The following ZNF768 variants were observed in gnomAD, a reference collection of about 807,000 sequenced individuals.
ZNF768 encodes zinc finger protein 768.
In ZNF768, 12 loss-of-function variants were observed where a neutral mutation model predicts 39.7. That is an observed-to-expected ratio of 0.30 (90% confidence interval 0.19 to 0.49). The LOEUF is 0.49. Among genes scored for constraint, ZNF768 ranks in the 20% least tolerant of loss-of-function variants. The pLI, the probability that ZNF768 is intolerant of heterozygous loss-of-function variation, is 0.99. For missense variants in ZNF768, 613 were observed against 723.2 expected, an observed-to-expected ratio of 0.85 and a Z score of 1.75; for synonymous variants, 360 against 288.4, an observed-to-expected ratio of 1.25 and a Z score of -2.52.
At position 30,525,780 on chromosome 16, in the gene ZNF768, C is replaced by G. The variant is rs376864966; in HGVS notation, c.360G>C (p.Arg120Ser). Residue 120 changes from arginine to serine, a missense_variant, in exon 2 of 2, where the codon AGG (arginine) becomes AGC (serine). Transcript: ENST00000380412. ...CATAGCCAGGGCTTTGGGGTTCATA[C>G]CTAGGGCTCTGGGATTCAAACTCAG... ...QSPEFESQSP[R>S]YEPQSPGYEP... 1 of 1,574,192 alleles carries G rather than the reference C, an allele frequency of 6.4e-7. No homozygotes were observed. Among genetic ancestry groups the G allele is most frequent in the Non-Finnish European group, 8.6e-7 (1 of 1,164,218 alleles).
intron 1 of ZNF768, 94 bp downstream of exon 1, chr16:30,526,232 G>C: frequency 1.3e-6 from 2 of 1,568,812 alleles, no homozygotes; most frequent in Non-Finnish European, 8.6e-7. Context: ...TCGAGTCCCA[G>C]GTGTCCCAGC....
rs759717317 is a variant in ZNF768 at position 30,525,709 on chromosome 16, G to A, written c.431C>T (p.Ser144Phe). ...CTGGGATTCATATCTAGAGCTCTCA[G>A]ATTCATAGCCAGGGCTCCGGGGTTC... ...GYEPRSPGYE[S>F]ESSRYESQNT... Residue 144 changes from serine to phenylalanine, a missense_variant, in exon 2 of 2, where the codon TCT becomes TTT. Transcript: ENST00000380412. The A allele has an allele frequency of 1.2e-6, 2 of 1,613,586 alleles. No homozygotes were observed. The highest frequency in any genetic ancestry group is 8.5e-7 in the Non-Finnish European group (1 of 1,179,818).
chr16:30,530,188 T>C (rs1300368901), upstream of ZNF768, among the ~76,000 whole-genome samples: 2 of 151,530 alleles, frequency 1.3e-5, no homozygotes, highest in African/African-American at 4.9e-5. This position sits in a 1 kb window ranked among gnomAD's most constrained non-coding sequence, Gnocchi z 4.4. Context: ...TGGAAATATC[T>C]GTGCCACCAA....
At position 30,526,106 on chromosome 16, in the gene ZNF768, T is replaced by C. The variant is rs2051321058; in HGVS notation, c.89-55A>G. On this transcript the variant is annotated intron_variant, in intron 1 of 1. Transcript: ENST00000380412. ...AGACCTGGAAGGTCATTTGGTCCAT[T>C]AGCAACCACACACCTCCCACCTCAC... The C allele has an allele frequency of 4.7e-6, 7 of 1,492,628 alleles. No homozygotes were observed. The South Asian group carries it at 5.6e-5, about 12-fold the overall frequency. 92.5% of individuals were successfully genotyped at this position (1,492,628 alleles called of 1,614,324 possible).
At position 30,526,031 on chromosome 16, in the gene ZNF768, C is replaced by T; in HGVS notation, c.109G>A (p.Glu37Lys). Residue 37 changes from glutamate to lysine, a missense_variant, in exon 2 of 2, where the codon GAA becomes AAA. By Grantham distance (56) the Glu-to-Lys change is moderately conservative. Coordinates refer to ENST00000380412, the MANE Select transcript of ZNF768 (RefSeq NM_024671.4). ...CCTTCTTGCTGAGAAATTTCCTCTT[C>T]CTCATTCTCACTCATGTTGCCTGCA... ...YLRGNMSENE[E>K]EEISQQEGSG... The T allele has an allele frequency of 2.0e-6, 3 of 1,497,662 alleles. No individual in the cohort carries two copies. Among genetic ancestry groups the T allele is most frequent in the East Asian group, 2.4e-5 (1 of 42,048 alleles). 92.8% of individuals were successfully genotyped at this position (1,497,662 alleles called of 1,614,324 possible). A position where few individuals can be genotyped will look rare whatever the true frequency, so the allele number is the denominator to read the frequency against.
chr16:30,531,650 CAT>C (rs1348829219), upstream of ZNF768: 2 of 152,116 alleles, frequency 1.3e-5, no homozygotes, highest in Admixed American at 6.6e-5. Context: ...ATTAGCCAGG[CAT>C]AGTGTTGCCC....
the ZNF768 span, chr16:30,532,465 G>T: frequency 6.4e-6 from 10 of 1,572,760 alleles, no homozygotes; most frequent in Middle Eastern, 1.7e-4. Context: ...ATCTCGGGCC[G>T]CCCACAATGT....
At chr16:30,528,010 TATC>T (rs2051343706), upstream of ZNF768, 1 of 152,222 alleles carries the variant, frequency 6.6e-6, no homozygotes, top group Non-Finnish European at 1.5e-5. Context: ...GACAACTTAA[TATC>T]ATCCAGTTCT....
rs2151215014 is a variant in ZNF768, at chr16:30,525,642, T to C, written c.498A>G (p.Gln166=). ...LKTQSPEFEA[Q]SSKFQEGAEM... ...CCGCACCTTCCTGGAATTTGGAACTTTGAGCTTCAAATTCTGGGCTTTGGG... is the reference window on the plus strand; with the variant it reads ...CCGCACCTTCCTGGAATTTGGAACTCTGAGCTTCAAATTCTGGGCTTTGGG... Residue 166 remains glutamine, a synonymous_variant, in exon 2 of 2, where the codon CAA becomes CAG. Coordinates refer to ENST00000380412, the MANE Select transcript of ZNF768 (RefSeq NM_024671.4). 6.2e-7 allele frequency: 1 copy of C among 1,614,266 alleles called. No individual in the cohort carries two copies.
In ZNF768 at chr16:30,524,824, C is replaced by T; in HGVS notation, c.1316G>A (p.Gly439Asp). The change falls in exon 2 of 2, where the codon GGC becomes GAC. Residue 439 changes from glycine to aspartate, a missense_variant. Physicochemically the swap from Gly to Asp is moderately conservative, Grantham distance 94. This residue lies in a region of ZNF768 where 204 missense variants were observed against 281.7 expected (regional missense o/e 0.72). Transcript: ENST00000380412. ...GTGGATGGCCAGCACCGAGCTCTGG[C>T]CAAAGCGCTTGCCGCACTCAGGGCA... ...FKCPECGKRF[G>D]QSSVLAIHAR... 6.2e-7 allele frequency: 1 copy of T among 1,610,624 alleles called. No homozygotes were observed.
chr16:30,526,815 A>G (rs1323082070), upstream of ZNF768: 2 of 166,100 alleles, frequency 1.2e-5, no homozygotes, highest in Non-Finnish European at 1.6e-5. Context: ...TCCCCCGCAC[A>G]GGAAGTGTCC....
chr16:30,526,807 C>G (rs2051332396), upstream of ZNF768: 1 of 936,148 alleles, frequency 1.1e-6, no homozygotes, highest in South Asian at 4.9e-5. Flanking sequence ...CCCCACCCTC[C>G]CCCGCACAGG....
chr16:30,526,562 C>G lies in ZNF768; in HGVS notation c.-149G>C. The G allele has an allele frequency of 9.5e-7, 1 of 1,055,884 alleles. No homozygotes were observed. The highest frequency in any genetic ancestry group is 1.1e-6 in the Non-Finnish European group (1 of 877,092). 65.4% of individuals were successfully genotyped at this position (1,055,884 alleles called of 1,614,324 possible). On this transcript the variant is annotated 5_prime_UTR_variant, in exon 1 of 2. Transcript: ENST00000380412. Reference sequence around the variant, plus strand: ...CCCAGCCCGGGCCCCCGAGGCCGGACGTCTTGACCCCGCGCCTCTCCAGCG... The same window carrying G: ...CCCAGCCCGGGCCCCCGAGGCCGGAGGTCTTGACCCCGCGCCTCTCCAGCG...
intron 1 of ZNF768, 23 bp from the exon 2 acceptor site, chr16:30,526,074 T>C (rs1445680401): frequency 6.7e-7 from 1 of 1,494,456 alleles, no homozygotes. Context: ...AGAATCCAGA[T>C]CGTGTGAGAC....
Position 30,525,361 on chromosome 16 carries a change from G to A in ZNF768, c.779C>T (p.Pro260Leu). ...CTTCCCGCAGATGCCACAGATGTTA[G>A]GCCGAGGGCCCTGCCCACCCCTGGC... The part of the protein sequence containing the change: ...GRARGGQGPR[P>L]NICGICGKSF... The change falls in exon 2 of 2, where the codon CCT (proline) becomes CTT (leucine). Residue 260 changes from proline to leucine, a missense_variant. Around this residue, in one of 4 missense-constraint regions of ZNF768, gnomAD observed 347 missense variants for 326.1 expected, o/e 1.06. Transcript: ENST00000380412. 6.2e-7 allele frequency: 1 copy of A among 1,614,136 alleles called. No individual in the cohort carries two copies.
Position 30,524,085 on chromosome 16 carries a change from C to T in ZNF768, c.*432G>A. On this transcript the variant is annotated 3_prime_UTR_variant, in exon 2 of 2. Transcript: ENST00000380412. ...GAAGAGGGAGGCTGGGGTTTGCACG[C>T]AGAGGCCCAGGCCCCACCCCGGGGC... 1 of 184,516 alleles carries T rather than the reference C, an allele frequency of 5.4e-6. No individual in the cohort carries two copies. Among genetic ancestry groups the T allele is most frequent in the Non-Finnish European group, 1.1e-5 (1 of 89,608 alleles). The allele number at this position is 184,516 out of a possible 1,614,324, so 11.4% of individuals were successfully genotyped here. A position where few individuals can be genotyped will look rare whatever the true frequency, so the allele number is the denominator to read the frequency against.
In ZNF768 at chr16:30,524,426, G is replaced by A. The variant is rs2051300407; in HGVS notation, c.*91C>T. On this transcript the variant is annotated 3_prime_UTR_variant, in exon 2 of 2. Coordinates refer to ENST00000380412, the MANE Select transcript of ZNF768 (RefSeq NM_024671.4). ...GCATCCTCAGCTCCTCCATTCTCCT[G>A]CGGCTTCTCCACTATCCTCCCTAAA... The A allele has an allele frequency of 2.0e-6, 3 of 1,496,516 alleles. No homozygotes were observed. The highest frequency in any genetic ancestry group is 4.5e-5 in the Admixed American group (2 of 44,340). The allele number at this position is 1,496,516 out of a possible 1,614,324, so 92.7% of individuals were successfully genotyped here. A position where few individuals can be genotyped will look rare whatever the true frequency, so the allele number is the denominator to read the frequency against.
upstream of ZNF768, chr16:30,530,436 T>C (rs1597120929): frequency 6.6e-6 from 1 of 152,366 alleles, no homozygotes; most frequent in Non-Finnish European, 1.5e-5. This position sits in a 1 kb window ranked among gnomAD's most constrained non-coding sequence, Gnocchi z 4.4. Flanking sequence ...CAGTCTGGGC[T>C]GAGAACTGGT....
Position 30,524,502 on chromosome 16 carries a change from T to C in ZNF768, c.*15A>G. ...ATCTTCTGCCCACACCTCCCACCCC[T>C]GCTGGGGCCCCAGGTCAGCGCCGGC... On this transcript the variant is annotated 3_prime_UTR_variant, in exon 2 of 2. Transcript: ENST00000380412. 1 of 1,597,634 alleles carries C rather than the reference T, an allele frequency of 6.3e-7. No homozygotes were observed. The highest frequency in any genetic ancestry group is 8.5e-7 in the Non-Finnish European group (1 of 1,174,934).
Sources: allele counts gnomAD v4.1 joint callset (sites outside exome capture counted in the v4.1 genomes callset), GRCh38; gene constraint gnomAD v4.1.1; regional missense constraint gnomAD v4.1.1; non-coding constraint Gnocchi (gnomAD v3.1); transcripts MANE v1.5; gene names NCBI Gene and HGNC (gene_info 2026-07-23, HGNC 2026-07-21).